EPHA5: variants seen among roughly 807,000 people sequenced by gnomAD.
The protein encoded by EPHA5 is EPH receptor A5.
A neutral mutation model predicts 105.0 loss-of-function variants in EPHA5; 60 were observed. The ratio of observed to expected loss-of-function variants is 0.57; its 90% CI spans 0.46 to 0.71. EPHA5 has a LOEUF of 0.71. EPHA5 is among the 30% of genes least tolerant of loss of function. The probability of loss-of-function intolerance (pLI) is 0.00; values close to 1 mark genes in which losing one functional copy is unlikely to be tolerated. For synonymous variants in EPHA5, 513 were observed against 449.1 expected (o/e 1.14, Z -1.80); for missense variants, 1,218 against 1,274.7 (o/e 0.96, Z 0.68).
At chr4:65,603,325 G>T (rs921470655) in intron 2 of EPHA5, among the ~76,000 whole-genome samples, 2 of 60,014 alleles carry the variant, frequency 3.3e-5, no homozygotes, top group Non-Finnish European at 6.8e-5. Context: ...ATAATTTAAG[G>T]AATTTCTGAA....
intron 1 of EPHA5, among the ~76,000 whole-genome samples, chr4:65,663,725 TA>T (rs1383093598): frequency 6.6e-6 from 1 of 152,022 alleles, no homozygotes; most frequent in East Asian, 1.9e-4. Flanking sequence ...AATAGGAATT[TA>T]AAAAATAGAG....
chr4:65,667,485 C>G (rs1750059259), intron 1 of EPHA5, among the ~76,000 whole-genome samples: 1 of 152,064 alleles, frequency 6.6e-6, no homozygotes, highest in South Asian at 2.1e-4. Context: ...GATTAGATCC[C>G]CAAGCCCCAT....
intron 3 of EPHA5, among the ~76,000 whole-genome samples, chr4:65,540,876 A>AC (rs1275018975): frequency 2.0e-5 from 3 of 150,216 alleles, no homozygotes; most frequent in East Asian, 4.0e-4. Flanking sequence ...AAAAAAAAAA[A>AC]AACAAAAATC....
chr4:65,348,488 G>A (rs1400095652), intron 13 of EPHA5, among the ~76,000 whole-genome samples: 1 of 151,384 alleles, frequency 6.6e-6, no homozygotes, highest in Non-Finnish European at 1.5e-5. Context: ...GGGAAAGCAG[G>A]CAGTCAAGCA....
At chr4:65,332,390 C>T (rs1209680358) in intron 15 of EPHA5, among the ~76,000 whole-genome samples, 1 of 151,650 alleles carries the variant, frequency 6.6e-6, no homozygotes, top group Admixed American at 6.6e-5. Flanking sequence ...TAAAACAAAA[C>T]AATAGCTAAA....
rs970663597 is a variant in EPHA5, at chr4:65,324,207, C to T, written c.2958G>A (p.Arg986=). The change falls in exon 17 of 17, where the codon CGG becomes CGA. Residue 986 remains arginine, a synonymous_variant. Coordinates refer to ENST00000613740, the MANE Select transcript of EPHA5 (RefSeq NM_001281766.3). The part of the protein sequence containing the change: ...VAQVTLEDLR[R]LGVTLVGHQK... ...GGTGACCGACAAGAGTCACTCCAAGCCGTCTCAAATCCCTGCATGAAGAAA... is the reference window on the plus strand; with the variant it reads ...GGTGACCGACAAGAGTCACTCCAAGTCGTCTCAAATCCCTGCATGAAGAAA... 20 of 1,608,296 alleles carry T rather than the reference C, an allele frequency of 1.2e-5. No homozygotes were observed. Among genetic ancestry groups the T allele is most frequent in the Non-Finnish European group, 1.7e-5 (20 of 1,176,288 alleles).
chr4:65,460,679 G>T lies in EPHA5; in HGVS notation c.1402+29698C>A, dbSNP rs1578166398. 3.3e-5 allele frequency among the ~76,000 whole-genome samples: 5 copies of T among 151,798 alleles called. 2 individuals are homozygous for T. The highest frequency in any genetic ancestry group is 3.3e-4 in the Admixed American group (5 of 15,254). On this transcript the variant is annotated intron_variant, in intron 5 of 16. Transcript: ENST00000613740. ...AGATAAAAATTAGAGACTTCTAAGT[G>T]TTCACAGTAGTTTTTTCAATTGATT...
chr4:65,478,979 T>C (rs1237271867), intron 5 of EPHA5, among the ~76,000 whole-genome samples: 1 of 152,186 alleles, frequency 6.6e-6, no homozygotes, highest in Non-Finnish European at 1.5e-5. Context: ...CTACACATTA[T>C]TTTTTGCTTT....
intron 8 of EPHA5, among the ~76,000 whole-genome samples, chr4:65,396,976 G>A (rs1332371781): frequency 6.6e-6 from 1 of 152,208 alleles, no homozygotes; most frequent in African/African-American, 2.4e-5. Context: ...CAGCTGCCTT[G>A]CAGGCTCACA....
At chr4:65,642,643 T>C (rs1747763710) in intron 2 of EPHA5, among the ~76,000 whole-genome samples, 1 of 152,026 alleles carries the variant, frequency 6.6e-6, no homozygotes, top group Admixed American at 6.5e-5. Flanking sequence ...GTTATTTCCA[T>C]AATAACTTTC....
intron 3 of EPHA5, among the ~76,000 whole-genome samples, chr4:65,568,046 A>T (rs1739738361): frequency 6.6e-6 from 1 of 151,542 alleles, no homozygotes; most frequent in South Asian, 2.1e-4. Flanking sequence ...TTTCATTTTC[A>T]CTCAAAACCA....
intron 6 of EPHA5, among the ~76,000 whole-genome samples, chr4:65,419,491 T>A (rs1723734311): frequency 6.6e-6 from 1 of 152,202 alleles, no homozygotes. Context: ...GTCTGCATTT[T>A]TTACTTGTTC....
chr4:65,527,865 C>T (rs377465891), intron 3 of EPHA5, among the ~76,000 whole-genome samples: 6 of 151,920 alleles, frequency 3.9e-5, no homozygotes, highest in African/African-American at 1.4e-4. Flanking sequence ...TCCGAAAGGC[C>T]CCAGTGAGTG....
At chr4:65,457,742 A>C (rs1417176898) in intron 5 of EPHA5, among the ~76,000 whole-genome samples, 3 of 152,146 alleles carry the variant, frequency 2.0e-5, no homozygotes, top group Non-Finnish European at 2.9e-5. Flanking sequence ...TCAACAAGTA[A>C]AATTATTCGG....
chr4:65,525,028 T>C (rs1735100934), intron 3 of EPHA5, among the ~76,000 whole-genome samples: 1 of 151,802 alleles, frequency 6.6e-6, no homozygotes, highest in African/African-American at 2.4e-5. Context: ...ATATCTACCA[T>C]ATTCTATCAT....
At chr4:65,655,363 A>G (rs1748963895) in intron 1 of EPHA5, among the ~76,000 whole-genome samples, 1 of 152,062 alleles carries the variant, frequency 6.6e-6, no homozygotes, top group Admixed American at 6.6e-5. Context: ...TTAGGTAGAG[A>G]CGAAAATGCA....
chr4:65,497,039 C>T (rs959765235), intron 3 of EPHA5, among the ~76,000 whole-genome samples: 11 of 152,062 alleles, frequency 7.2e-5, no homozygotes, highest in African/African-American at 2.4e-4. Context: ...CTTTAATATG[C>T]TAATTGCTCA....
intron 5 of EPHA5, among the ~76,000 whole-genome samples, chr4:65,466,049 T>C (rs965086727): frequency 2.6e-5 from 4 of 152,200 alleles, no homozygotes; most frequent in African/African-American, 2.4e-5. Context: ...GAGGGTAATA[T>C]GTGCTGTGAC....
intron 5 of EPHA5, among the ~76,000 whole-genome samples, chr4:65,486,566 C>G (rs1416578591): frequency 6.6e-6 from 1 of 152,120 alleles, no homozygotes; most frequent in Admixed American, 6.5e-5. Flanking sequence ...TTCCTGAAAA[C>G]AATCTTTGGA....
Sources: allele counts gnomAD v4.1 joint callset (sites outside exome capture counted in the v4.1 genomes callset), GRCh38; gene constraint gnomAD v4.1.1; transcripts MANE v1.5; gene names NCBI Gene and HGNC (gene_info 2026-07-23, HGNC 2026-07-21).